Variants in DVL2 observed in about 807,000 individuals in gnomAD.
DVL2 encodes dishevelled segment polarity protein 2, also known as segment polarity protein dishevelled homolog DVL-2.
In DVL2, 38 loss-of-function variants were observed where a neutral mutation model predicts 69.8. That is an observed-to-expected ratio of 0.54 (90% CI 0.42 to 0.71). The LOEUF (loss-of-function observed/expected upper bound fraction) is 0.71. Ranked by LOEUF, DVL2 falls within the 30% of genes least tolerant of loss-of-function variation. The probability of loss-of-function intolerance (pLI) is 0.00; values close to 1 mark genes in which losing one functional copy is unlikely to be tolerated. For synonymous variants in DVL2, 428 were observed against 392.4 expected, an observed-to-expected ratio of 1.09 and a Z score of -1.07; for missense variants, 931 against 1,008.1, an observed-to-expected ratio of 0.92 and a Z score of 1.04.
chr17:7,227,216 G>A lies in DVL2; in HGVS notation c.1417C>T (p.Arg473Trp), dbSNP rs1219101427. ...YHHVEGFPERREARKYASGLL... is the reference protein window; with the variant it reads ...YHHVEGFPERWEARKYASGLL... ...CCGCTGGCATACTTGCGGGCCTCCC[G>A]CCGCTCAGGAAAGCCCTCCACGTGA... Residue 473 changes from arginine to tryptophan, a missense_variant, in exon 13 of 15, where the codon CGG (arginine) becomes TGG (tryptophan). Around this residue, in one of 3 missense-constraint regions of DVL2, gnomAD observed 62 missense variants for 105.7 expected, o/e 0.59. Transcript: ENST00000005340. The A allele has an allele frequency of 1.2e-5, 19 of 1,613,860 alleles. No individual in the cohort carries two copies. The highest frequency in any genetic ancestry group is 1.6e-5 in the Non-Finnish European group (19 of 1,179,840).
In DVL2 at chr17:7,227,118, G is replaced by A. The variant is rs149378791; in HGVS notation, c.1515C>T (p.Phe505=). The A allele has an allele frequency of 4.9e-5, 79 of 1,613,522 alleles. 1 individual carries two copies. The highest frequency in any genetic ancestry group is 4.3e-4 in the African/African-American group (32 of 75,058). The change falls in exon 13 of 15, where the codon TTC becomes TTT. Residue 505 remains phenylalanine, a synonymous_variant. Coordinates refer to ENST00000005340, the MANE Select transcript of DVL2 (RefSeq NM_004422.3). ...TCTCACAGCCACCACTGAGGTCTCC[G>A]AAGACGTAATAGCACTGCTCAGAGA... ...ITFSEQCYYV[F]GDLSGGCESY...
chr17:7,230,777 G>A lies in DVL2; in HGVS notation c.215C>T (p.Ser72Leu). 6.2e-7 allele frequency: 1 copy of A among 1,613,496 alleles called. No homozygotes were observed. Among genetic ancestry groups the A allele is most frequent in the Non-Finnish European group, 8.5e-7 (1 of 1,179,712 alleles). The part of the protein sequence containing the change: ...QDFGVVKEEI[S>L]DDNARLPCFN... The stretch of plus-strand genomic sequence containing the variant: ...GCAGGGGAGGCGGGCGTTGTCATCT[G>A]AAATTTCTTCCTTCACCACCCTGCC... Residue 72 changes from serine (S) to leucine (L), a missense_variant, in exon 2 of 15, where the codon TCA becomes TTA. By Grantham distance (145) the Ser-to-Leu change is moderately radical. Coordinates refer to ENST00000005340, the MANE Select transcript of DVL2 (RefSeq NM_004422.3).
intron 3 of DVL2, 35 bp downstream of exon 3, chr17:7,230,250 T>G: frequency 6.2e-7 from 1 of 1,612,840 alleles, no homozygotes; most frequent in Non-Finnish European, 8.5e-7. Flanking sequence ...CCTCCTCACC[T>G]CCCTCCCCTG....
intron 1 of DVL2, chr17:7,233,800 C>T: frequency 1.8e-6 from 1 of 545,072 alleles, no homozygotes; most frequent in Non-Finnish European, 3.3e-6. Context: ...CTAGAATACT[C>T]CAACATAAAC....
At position 7,234,255 on chromosome 17, in the gene DVL2, C is replaced by G. The variant is rs768855231; in HGVS notation, c.8G>C (p.Gly3Ala). Residue 3 changes from glycine to alanine, a missense_variant, in exon 1 of 15, where the codon GGT becomes GCT. This residue lies in a region of DVL2 where 555 missense variants were observed against 588.8 expected (regional missense o/e 0.94). Transcript: ENST00000005340. ...AACCCCACCGCCCCCAGTGCTGCTACCCGCCATGGTCTCGCCCGCGCGCTC... is the reference window on the plus strand; with the variant it reads ...AACCCCACCGCCCCCAGTGCTGCTAGCCGCCATGGTCTCGCCCGCGCGCTC... MA[G>A]SSTGGGGVGE... The G allele has an allele frequency of 1.2e-6, 2 of 1,606,774 alleles. No homozygotes were observed. The highest frequency in any genetic ancestry group is 2.2e-5 in the South Asian group (2 of 90,846).
In DVL2 at chr17:7,225,638, A is replaced by C; in HGVS notation, c.*227T>G. ...TGTAAGAAACTCTATTTTAACCCCC[A>C]AAAAGGCTTATAAAAAAACAAAGCT... On this transcript the variant is annotated 3_prime_UTR_variant, in exon 15 of 15. Transcript: ENST00000005340. 3 of 561,396 alleles carry C rather than the reference A, an allele frequency of 5.3e-6. No homozygotes were observed. Among genetic ancestry groups the C allele is most frequent in the Non-Finnish European group, 9.4e-6 (3 of 319,132 alleles). The allele number at this position is 561,396 out of a possible 1,614,324, so 34.8% of individuals were successfully genotyped here. A position where few individuals can be genotyped will look rare whatever the true frequency, so the allele number is the denominator to read the frequency against.
At chr17:7,232,565 C>T (rs1002666170) in intron 1 of DVL2, among the ~76,000 whole-genome samples, 2 of 152,228 alleles carry the variant, frequency 1.3e-5, no homozygotes, top group African/African-American at 4.8e-5. Context: ...GTGAACTAAC[C>T]ATTTCATTCT....
chr17:7,230,606 G>C, intron 2 of DVL2, 122 bp downstream of exon 2: 1 of 1,320,484 alleles, frequency 7.6e-7, no homozygotes, highest in African/African-American at 1.5e-5. Context: ...TCTCCAAACA[G>C]ACAGGAGGTA....
At position 7,229,688 on chromosome 17, in the gene DVL2, G is replaced by A. The variant is rs377555821; in HGVS notation, c.657-10C>T. 4.5e-6 allele frequency: 7 copies of A among 1,554,596 alleles called. No homozygotes were observed. The highest frequency in any genetic ancestry group is 1.4e-5 in the African/African-American group (1 of 73,266). On this transcript the variant is annotated splice_polypyrimidine_tract_variant and intron_variant, in intron 5 of 14. Transcript: ENST00000005340. The surrounding 1 kb of genome is among the most constrained non-coding windows in gnomAD (Gnocchi z 4.4). ...CGTGGAGCTGCTGAACCTACCAGGA[G>A]GTTGGGAAGGAGAGCAAACGTAGGC...
chr17:7,231,086 C>T (rs1597551673), intron 1 of DVL2, among the ~76,000 whole-genome samples: 1 of 152,154 alleles, frequency 6.6e-6, no homozygotes. Flanking sequence ...AAAGCAATCC[C>T]GCACGCTGAT....
At position 7,227,718 on chromosome 17, in the gene DVL2, A is replaced by G; in HGVS notation, c.1168T>C (p.Phe390Leu). The part of the protein sequence containing the change: ...VSHSAALTGT[F>L]PAYPGSSSMS... ...GAGGAGGAACCTGGATAGGCTGGGA[A>G]GGTGCCAGTCAGAGCCGCGGAATGG... The change falls in exon 11 of 15, where the codon TTC (phenylalanine) becomes CTC (leucine). Residue 390 changes from phenylalanine to leucine, a missense_variant. Coordinates refer to ENST00000005340, the MANE Select transcript of DVL2 (RefSeq NM_004422.3). The G allele has an allele frequency of 6.2e-7, 1 of 1,611,352 alleles. No homozygotes were observed. The highest frequency in any genetic ancestry group is 1.1e-5 in the South Asian group (1 of 90,586).
chr17:7,226,040 G>A lies in DVL2; in HGVS notation c.2036C>T (p.Pro679Leu). 1 of 1,610,142 alleles carries A rather than the reference G, an allele frequency of 6.2e-7. No homozygotes were observed. Among genetic ancestry groups the A allele is most frequent in the Non-Finnish European group, 8.5e-7 (1 of 1,177,882 alleles). Residue 679 changes from proline (P) to leucine (L), a missense_variant, in exon 15 of 15, where the codon CCC (proline) becomes CTC (leucine). Around this residue, in one of 3 missense-constraint regions of DVL2, gnomAD observed 314 missense variants for 313.7 expected, o/e 1.00. Transcript: ENST00000005340. ...PPPGMALPYN[P>L]MMVVMMPPPP... ...TGGGGGCATCATGACCACCATCATG[G>A]GGTTGTAGGGGAGGGCCATGCCAGG...
Position 7,229,538 on chromosome 17 carries a change from C to T in DVL2, c.747+50G>A, listed in dbSNP as rs2071509275. 1 of 1,604,826 alleles carries T rather than the reference C, an allele frequency of 6.2e-7. No individual in the cohort carries two copies. Among genetic ancestry groups the T allele is most frequent in the Non-Finnish European group, 8.5e-7 (1 of 1,174,644 alleles). On this transcript the variant is annotated intron_variant, in intron 6 of 14. Transcript: ENST00000005340. This position sits in a 1 kb window ranked among gnomAD's most constrained non-coding sequence, Gnocchi z 4.4. ...TGTCCTGGCACCGCCCAAACCAAAG[C>T]CCATGCCCCACCTTCTCCCAGCACC... is the stretch of plus-strand genomic sequence containing the variant.
intron 1 of DVL2, among the ~76,000 whole-genome samples, chr17:7,231,258 G>A (rs2071538512): frequency 6.6e-6 from 1 of 151,862 alleles, no homozygotes; most frequent in South Asian, 2.1e-4. Context: ...GAGGTCAGGA[G>A]TTCAAGACCA....
In DVL2 at chr17:7,225,778, C is replaced by T; in HGVS notation, c.*87G>A. 1.7e-6 allele frequency: 2 copies of T among 1,207,676 alleles called. No individual in the cohort carries two copies. The highest frequency in any genetic ancestry group is 2.4e-6 in the Non-Finnish European group (2 of 824,578). 74.8% of individuals were successfully genotyped at this position (1,207,676 alleles called of 1,614,324 possible). A position where few individuals can be genotyped will look rare whatever the true frequency, so the allele number is the denominator to read the frequency against. ...GTATGGCAGCAGCTGGTAGGCTGAG[C>T]CCAGGCACTGTAAGAGCAAGCACAT... On this transcript the variant is annotated 3_prime_UTR_variant, in exon 15 of 15. Coordinates refer to ENST00000005340, the MANE Select transcript of DVL2 (RefSeq NM_004422.3).
intron 9 of DVL2, 167 bp downstream of exon 9, chr17:7,228,802 G>T: frequency 1.6e-6 from 1 of 638,188 alleles, no homozygotes; most frequent in Non-Finnish European, 2.7e-6. Flanking sequence ...GGCTGGTCTC[G>T]AACTCCTCAC....
chr17:7,226,844 G>T (rs892884369), intron 13 of DVL2: 2 of 624,122 alleles, frequency 3.2e-6, no homozygotes, highest in Non-Finnish European at 5.4e-6. Flanking sequence ...ACGTCTTTGC[G>T]GGACTCAGGT....
rs974063533 is a variant in DVL2, at chr17:7,230,146, C to T, written c.420G>A (p.Val140=). 1 of 1,613,998 alleles carries T rather than the reference C, an allele frequency of 6.2e-7. No individual in the cohort carries two copies. The change falls in exon 4 of 15, where the codon GTG becomes GTA. Residue 140 remains valine (V), a synonymous_variant. Transcript: ENST00000005340. ...GCTCCAGATTCTCATGGCTGCTGGA[C>T]ACATTAGGGCTGGACAGGCAGAGAT... The part of the protein sequence containing the change: ...DSRPPSFHPN[V]SSSHENLEPE...
chr17:7,225,729 G>C lies in DVL2; in HGVS notation c.*136C>G. ...GGGAGGAACCAGGCACTGCTGGTGA[G>C]AGTCACAGTGGCCACAATCTCCTGT... is the stretch of plus-strand genomic sequence containing the variant. On this transcript the variant is annotated 3_prime_UTR_variant, in exon 15 of 15. Coordinates refer to ENST00000005340, the MANE Select transcript of DVL2 (RefSeq NM_004422.3). 1 of 757,132 alleles carries C rather than the reference G, an allele frequency of 1.3e-6. No individual in the cohort carries two copies. Among genetic ancestry groups the C allele is most frequent in the East Asian group, 2.5e-5 (1 of 40,344 alleles). 46.9% of individuals were successfully genotyped at this position (757,132 alleles called of 1,614,324 possible).
Sources: allele counts gnomAD v4.1 joint callset (sites outside exome capture counted in the v4.1 genomes callset), GRCh38; gene constraint gnomAD v4.1.1; regional missense constraint gnomAD v4.1.1; non-coding constraint Gnocchi (gnomAD v3.1); transcripts MANE v1.5; gene names NCBI Gene and HGNC (gene_info 2026-07-23, HGNC 2026-07-21).